SUPT20H: variants seen among roughly 807,000 people sequenced by gnomAD.
SUPT20H encodes the protein SPT20 homolog, SAGA complex component.
In SUPT20H, 82 loss-of-function variants were observed where a neutral mutation model predicts 122.8. That is an observed-to-expected ratio of 0.67 (90% CI 0.56 to 0.80). The LOEUF (loss-of-function observed/expected upper bound fraction) is 0.80, where lower values mean the gene tolerates loss of function less well. Ranked by LOEUF, SUPT20H falls within the 30% of genes least tolerant of loss-of-function variation. SUPT20H has a pLI of 0.00. For synonymous variants in SUPT20H, 291 were observed against 313.0 expected, an observed-to-expected ratio of 0.93 and a Z score of 0.74; for missense variants, 831 against 921.6, an observed-to-expected ratio of 0.90 and a Z score of 1.27.
intron 4 of SUPT20H, 42 bp from the exon 5 acceptor site, chr13:37,047,643 A>C (rs1278479241): frequency 7.5e-7 from 1 of 1,333,662 alleles, no homozygotes; most frequent in Non-Finnish European, 1.0e-6. Flanking sequence ...ATGTTAACAG[A>C]GTAATCATCA....
intron 1 of SUPT20H, among the ~76,000 whole-genome samples, chr13:37,055,044 G>C (rs2068620793): frequency 1.3e-5 from 2 of 151,998 alleles, no homozygotes; most frequent in South Asian, 4.1e-4. Context: ...AAAATACCTA[G>C]GAATACAACT....
At chr13:37,031,527 A>C in intron 12 of SUPT20H, 40 bp downstream of exon 12, 1 of 1,388,162 alleles carries the variant, frequency 7.2e-7, no homozygotes, top group Non-Finnish European at 9.6e-7. Flanking sequence ...TAAAACTGAG[A>C]AACTTTATAT....
intron 23 of SUPT20H, among the ~76,000 whole-genome samples, chr13:37,016,464 T>C (rs1004702990): frequency 6.6e-6 from 1 of 151,986 alleles, no homozygotes; most frequent in African/African-American, 2.4e-5. Context: ...GTAAATTTTA[T>C]GTGTACCTTA....
In SUPT20H at chr13:37,015,981, T is replaced by C. The variant is rs572438218; in HGVS notation, c.1992+1264A>G. 2.0e-5 allele frequency among the ~76,000 whole-genome samples: 3 copies of C among 152,338 alleles called. No individual in the cohort carries two copies. In the East Asian group the frequency reaches 5.8e-4, roughly 29 times the overall value. ...GAGGTATCTTGAATAGTCAAACTCATACTAACATAAAGTAGAATAGTGGCC... is the reference window on the plus strand; with the variant it reads ...GAGGTATCTTGAATAGTCAAACTCACACTAACATAAAGTAGAATAGTGGCC... On this transcript the variant is annotated intron_variant, in intron 23 of 25. Transcript: ENST00000350612.
Position 37,044,082 on chromosome 13 carries a change from G to T in SUPT20H, c.392C>A (p.Ser131Tyr), listed in dbSNP as rs1009869991. The T allele has an allele frequency of 6.2e-7, 1 of 1,608,026 alleles. No individual in the cohort carries two copies. The highest frequency in any genetic ancestry group is 1.3e-5 in the African/African-American group (1 of 74,626). Residue 131 changes from serine to tyrosine, a missense_variant, in exon 7 of 26, where the codon TCT becomes TAT. By Grantham distance (144) the Ser-to-Tyr change is moderately radical. Coordinates refer to ENST00000350612, the MANE Select transcript of SUPT20H (RefSeq NM_001014286.3). ...TTAAAGACAAAAATTTTGTACCTGA[G>T]ATTTTTCTAGGAGATCAACCAAAAT... ...PPILVDLLEKSQVNIFHCGCV... is the reference protein window; with the variant it reads ...PPILVDLLEKYQVNIFHCGCV...
At position 37,047,603 on chromosome 13, in the gene SUPT20H, TA is replaced by T. The variant is rs1176667829; in HGVS notation, c.99-3del. 2 of 1,382,636 alleles carry T rather than the reference TA, an allele frequency of 1.4e-6. No individual in the cohort carries two copies. The highest frequency in any genetic ancestry group is 1.5e-5 in the African/African-American group (1 of 66,638). 85.6% of individuals were successfully genotyped at this position (1,382,636 alleles called of 1,614,324 possible). A position where few individuals can be genotyped will look rare whatever the true frequency, so the allele number is the denominator to read the frequency against. On this transcript the variant is annotated splice_region_variant and splice_polypyrimidine_tract_variant and intron_variant, in intron 4 of 25. Coordinates refer to ENST00000350612, the MANE Select transcript of SUPT20H (RefSeq NM_001014286.3). ...TAAAGTTTTTGAAATACAGATTTTC[TA>T]AAAAAATTTAATGAAACAAATATAT...
intron 23 of SUPT20H, among the ~76,000 whole-genome samples, chr13:37,015,537 G>A (rs1288480698): frequency 6.6e-6 from 1 of 151,326 alleles, no homozygotes; most frequent in Non-Finnish European, 1.5e-5. Context: ...AATAACAAGA[G>A]TTGGCGAGGA....
At position 37,020,818 on chromosome 13, in the gene SUPT20H, A is replaced by C. The variant is rs1223746047; in HGVS notation, c.1816+630T>G. 2.0e-5 allele frequency among the ~76,000 whole-genome samples: 3 copies of C among 152,248 alleles called. No homozygotes were observed. The East Asian group carries it at 5.8e-4, about 29-fold the overall frequency. The stretch of plus-strand genomic sequence containing the variant: ...AATACATTATTTTAAAGAGCATCAA[A>C]AAAATAAGCACAAGTTATTATAACT... On this transcript the variant is annotated intron_variant, in intron 21 of 25. Coordinates refer to ENST00000350612, the MANE Select transcript of SUPT20H (RefSeq NM_001014286.3).
At chr13:37,027,254 A>G (rs2062458849) in intron 14 of SUPT20H, among the ~76,000 whole-genome samples, 1 of 152,094 alleles carries the variant, frequency 6.6e-6, no homozygotes, top group African/African-American at 2.4e-5. Flanking sequence ...ATAAAGAAAA[A>G]AAATGGCTTC....
intron 7 of SUPT20H, 76 bp from the exon 8 acceptor site, chr13:37,040,768 G>GC (rs2138625440): frequency 1.8e-6 from 2 of 1,111,474 alleles, no homozygotes; most frequent in South Asian, 2.6e-5. Flanking sequence ...CAAACATTTC[G>GC]CATTCTTTAC....
chr13:37,049,955 G>A (rs2067305506), intron 2 of SUPT20H, among the ~76,000 whole-genome samples: 1 of 152,040 alleles, frequency 6.6e-6, no homozygotes, highest in Non-Finnish European at 1.5e-5. Context: ...CAAATTGCAT[G>A]TGGGTAAAAA....
At chr13:37,055,499 C>T (rs1035800542) in intron 1 of SUPT20H, among the ~76,000 whole-genome samples, 11 of 151,928 alleles carry the variant, frequency 7.2e-5, no homozygotes, top group Admixed American at 7.2e-4. Flanking sequence ...CAAACCTGAC[C>T]AAAACAAGCA....
At position 37,023,891 on chromosome 13, in the gene SUPT20H, T is replaced by C. The variant is rs1047656080; in HGVS notation, c.1591+144A>G. ...TAATACATACAATCAACAAGAGCTC[T>C]GCCTGAAGCTTCTAGCAACTTATAC... On this transcript the variant is annotated intron_variant, in intron 19 of 25. Transcript: ENST00000350612. The C allele has an allele frequency of 6.8e-5, 49 of 718,554 alleles. 1 individual carries two copies. In the Admixed American group the frequency reaches 7.5e-4, roughly 11 times the overall value. 44.5% of individuals were successfully genotyped at this position (718,554 alleles called of 1,614,324 possible).
chr13:37,033,442 C>T lies in SUPT20H; in HGVS notation c.707+7G>A. 1 of 1,608,494 alleles carries T rather than the reference C, an allele frequency of 6.2e-7. No individual in the cohort carries two copies. The highest frequency in any genetic ancestry group is 8.5e-7 in the Non-Finnish European group (1 of 1,177,562). ...CTTTTGGTTCACCCTTCCACAAAGG[C>T]AATTACCGTTTCATTGGGCGAGTGT... On this transcript the variant is annotated splice_region_variant and intron_variant, in intron 10 of 25. Coordinates refer to ENST00000350612, the MANE Select transcript of SUPT20H (RefSeq NM_001014286.3).
At chr13:37,010,483 A>T in intron 25 of SUPT20H, 69 bp downstream of exon 25, 2 of 1,356,282 alleles carry the variant, frequency 1.5e-6, no homozygotes, top group Non-Finnish European at 2.1e-6. Context: ...AACTAAAGCA[A>T]GTTATTTTGA....
intron 1 of SUPT20H, among the ~76,000 whole-genome samples, chr13:37,056,629 G>C (rs895853422): frequency 2.6e-5 from 4 of 152,068 alleles, no homozygotes; most frequent in East Asian, 1.9e-4. Flanking sequence ...GTGGGAGGAG[G>C]GGGGAGGGAT....
chr13:37,022,166 C>A lies in SUPT20H; in HGVS notation c.1592-86G>T, dbSNP rs748886216. 6.2e-7 allele frequency: 1 copy of A among 1,613,512 alleles called. No homozygotes were observed. Among genetic ancestry groups the A allele is most frequent in the Non-Finnish European group, 8.5e-7 (1 of 1,179,772 alleles). On this transcript the variant is annotated intron_variant, in intron 19 of 25. Transcript: ENST00000350612. This position sits in a 1 kb window ranked among gnomAD's most constrained non-coding sequence, Gnocchi z 4.5. ...TCAGAGACCTTTGCTGCTGAGCAAA[C>A]TGAGTTAACAAAGTGGGCTGAGGGG...
chr13:37,019,464 T>A, intron 21 of SUPT20H, 67 bp from the exon 22 acceptor site: 4 of 1,121,178 alleles, frequency 3.6e-6, no homozygotes, highest in Non-Finnish European at 5.1e-6. Flanking sequence ...AATTTATACT[T>A]TAGTATATAT....
At position 37,024,101 on chromosome 13, in the gene SUPT20H, A is replaced by G; in HGVS notation, c.1525T>C (p.Ser509Pro). ...ATGCTAACTTGATTGAGATCCACAG[A>G]TGATTTCCGAGGAATACTTGATGGC... Reference protein sequence around the residue: ...SKPSSIPRKSSVDLNQVSMLS... With the variant: ...SKPSSIPRKSPVDLNQVSMLS... The change falls in exon 19 of 26, where the codon TCT becomes CCT. Residue 509 changes from serine to proline, a missense_variant. Ser to Pro is a moderately conservative substitution (Grantham distance 74). Coordinates refer to ENST00000350612, the MANE Select transcript of SUPT20H (RefSeq NM_001014286.3). The G allele has an allele frequency of 6.2e-7, 1 of 1,613,852 alleles. No individual in the cohort carries two copies. The highest frequency in any genetic ancestry group is 2.2e-5 in the East Asian group (1 of 44,858).
Sources: gnomAD v4.1 joint callset for allele counts (sites outside exome capture counted in the v4.1 genomes callset) on GRCh38, gnomAD v4.1.1 for gene constraint, Gnocchi (gnomAD v3.1) non-coding constraint, MANE v1.5 for transcripts, NCBI Gene and HGNC (gene_info 2026-07-23, HGNC 2026-07-21) for gene names.